The following CNTNAP5 variants were observed in gnomAD, a reference collection of about 807,000 sequenced individuals.
CNTNAP5 encodes contactin-associated protein-like 5.
Under a neutral mutation model 150.2 loss-of-function variants are expected in CNTNAP5, and 72 were observed. The observed-to-expected ratio is 0.48, with a 90% CI of 0.40 to 0.58. The LOEUF is 0.58. Among genes scored for constraint, CNTNAP5 ranks in the 20% least tolerant of loss-of-function variants. CNTNAP5 has a pLI of 0.00. For synonymous variants in CNTNAP5, 672 were observed against 619.8 expected (o/e 1.08, Z -1.25); for missense variants, 1,636 against 1,626.2 (o/e 1.01, Z -0.10).
At chr2:124,713,291 TTCTTTCTTTCTTCTTTCTCTTTCTTTC>T (rs1558746788) in intron 13 of CNTNAP5, among the ~76,000 whole-genome samples, 7 of 127,754 alleles carry the variant, frequency 5.5e-5, no homozygotes, top group African/African-American at 1.9e-4. Context: ...CTTTCTTTCT[TTCTTTCTTTCTTCTTTCTCTTTCTTTC>T]CTTTCTTTCT....
intron 6 of CNTNAP5, among the ~76,000 whole-genome samples, chr2:124,455,673 G>A (rs774827392): frequency 1.9e-4 from 28 of 151,302 alleles, no homozygotes; most frequent in Non-Finnish European, 3.1e-4. Flanking sequence ...TTAGCTAAAC[G>A]CTAGCTAACC....
intron 18 of CNTNAP5, among the ~76,000 whole-genome samples, chr2:124,792,344 G>C (rs1023808370): frequency 5.9e-5 from 9 of 152,022 alleles, no homozygotes; most frequent in Non-Finnish European, 1.3e-4. Context: ...TTAACTTATT[G>C]GGGCTCATAA....
intron 11 of CNTNAP5, among the ~76,000 whole-genome samples, chr2:124,577,681 T>C (rs1696317025): frequency 6.6e-6 from 1 of 151,944 alleles, no homozygotes; most frequent in Non-Finnish European, 1.5e-5. Context: ...CTAAATTGAA[T>C]ATAGGAAATG....
intron 3 of CNTNAP5, among the ~76,000 whole-genome samples, chr2:124,414,983 C>A (rs1374971287): frequency 6.6e-6 from 1 of 152,100 alleles, no homozygotes; most frequent in Non-Finnish European, 1.5e-5. Context: ...CAGTAAGAAA[C>A]CACCAGAACC....
At position 124,329,870 on chromosome 2, in the gene CNTNAP5, G is replaced by A. The variant is rs952343665; in HGVS notation, c.381+87477G>A. On this transcript the variant is annotated intron_variant, in intron 3 of 23. Transcript: ENST00000682447. Reference sequence around the variant, plus strand: ...AATGTTTGGTGTAGTCTACAAGCTAGTTTTTTGTTTGTTTACAGTTTAGAA... The same window carrying A: ...AATGTTTGGTGTAGTCTACAAGCTAATTTTTTGTTTGTTTACAGTTTAGAA... Among the ~76,000 whole-genome samples, 3 of 152,136 alleles carry A rather than the reference G, an allele frequency of 2.0e-5. No individual in the cohort carries two copies. The East Asian group carries it at 5.8e-4, about 29-fold the overall frequency.
intron 13 of CNTNAP5, among the ~76,000 whole-genome samples, chr2:124,696,019 C>T (rs1383637594): frequency 6.6e-6 from 1 of 152,096 alleles, no homozygotes; most frequent in African/African-American, 2.4e-5. Flanking sequence ...GTCAGAATGT[C>T]AACCTGGAGA....
chr2:124,117,898 A>G (rs1294869503), intron 1 of CNTNAP5, among the ~76,000 whole-genome samples: 6 of 152,318 alleles, frequency 3.9e-5, no homozygotes, highest in African/African-American at 1.4e-4. Context: ...AGCCTGGGTA[A>G]CATGGCAAAA....
At position 124,896,952 on chromosome 2, in the gene CNTNAP5, C is replaced by T. The variant is rs559730182; in HGVS notation, c.3437-5930C>T. Among the ~76,000 whole-genome samples, 6 of 151,722 alleles carry T rather than the reference C, an allele frequency of 4.0e-5. No individual in the cohort carries two copies. In the South Asian group the frequency reaches 1.2e-3, roughly 31 times the overall value. On this transcript the variant is annotated intron_variant, in intron 21 of 23. Transcript: ENST00000682447. ...TTTTCAGTGTCTTAAACGTGACGCA[C>T]TACTTCTCTCTTTACTTTGTAAAGG...
chr2:124,394,014 C>A (rs1447286865), intron 3 of CNTNAP5, among the ~76,000 whole-genome samples: 2 of 152,088 alleles, frequency 1.3e-5, no homozygotes, highest in African/African-American at 4.8e-5. Context: ...AAATATCAGT[C>A]ATCGTTTACA....
At chr2:124,483,955 AC>A (rs1336470653) in intron 7 of CNTNAP5, among the ~76,000 whole-genome samples, 1 of 151,932 alleles carries the variant, frequency 6.6e-6, no homozygotes, top group Non-Finnish European at 1.5e-5. Context: ...TTATGGTTTG[AC>A]CCTTACTTTT....
rs369310119 is a variant in CNTNAP5 at position 124,763,813 on chromosome 2, C to G, written c.2362+14C>G. The G allele has an allele frequency of 8.1e-5, 130 of 1,612,440 alleles. 3 individuals carry two copies. The South Asian group carries it at 1.4e-3, about 17-fold the overall frequency. ...GCTATGGTGACCGTGAGTACAAAATCGAAAGAAGCTTTCTCTCTGCATTAC... is the reference window on the plus strand; with the variant it reads ...GCTATGGTGACCGTGAGTACAAAATGGAAAGAAGCTTTCTCTCTGCATTAC... On this transcript the variant is annotated intron_variant, in intron 15 of 23. Coordinates refer to ENST00000682447, the MANE Select transcript of CNTNAP5 (RefSeq NM_001367498.1).
At chr2:124,115,076 T>C (rs969389689) in intron 1 of CNTNAP5, among the ~76,000 whole-genome samples, 1 of 152,076 alleles carries the variant, frequency 6.6e-6, no homozygotes, top group Non-Finnish European at 1.5e-5. Context: ...TAGCATATTA[T>C]TATGTCATGA....
chr2:124,459,315 C>T (rs1037218045), intron 6 of CNTNAP5, among the ~76,000 whole-genome samples: 3 of 152,136 alleles, frequency 2.0e-5, no homozygotes, highest in African/African-American at 7.2e-5. Flanking sequence ...GCTCTGAAAA[C>T]TTACATCATT....
At chr2:124,716,990 C>T (rs188883449) in intron 13 of CNTNAP5, among the ~76,000 whole-genome samples, 326 of 152,178 alleles carry the variant, frequency 2.1e-3, no homozygotes, top group African/African-American at 7.3e-3. Flanking sequence ...CTAAATATCC[C>T]GGGTGCTTAT....
chr2:124,693,840 C>CA (rs142663614), intron 13 of CNTNAP5, among the ~76,000 whole-genome samples: 29,900 of 121,398 alleles, frequency 0.25, 3,372 homozygotes, highest in Non-Finnish European at 0.28. Context: ...AAAAAAAAGG[C>CA]AAAAAAAAAA....
chr2:124,805,979 G>A lies in CNTNAP5; in HGVS notation c.3217+7659G>A, dbSNP rs567166446. ...TTACTTTGTTAGAGGCCTCCTTTCC[G>A]AATACAGCCACACTAGAGTTAGTCT... On this transcript the variant is annotated intron_variant, in intron 19 of 23. Transcript: ENST00000682447. Among the ~76,000 whole-genome samples, 32 of 152,258 alleles carry A rather than the reference G, an allele frequency of 2.1e-4. 2 individuals are homozygous for A. The Middle Eastern group carries it at 0.01, about 49-fold the overall frequency.
intron 3 of CNTNAP5, among the ~76,000 whole-genome samples, chr2:124,377,008 A>G (rs1214700365): frequency 1.3e-5 from 2 of 152,102 alleles, no homozygotes; most frequent in African/African-American, 2.4e-5. Flanking sequence ...GTTTGAATCA[A>G]AGTAAGATTT....
chr2:124,255,584 T>TAAAATAAAATAG (rs1558821619), intron 3 of CNTNAP5, among the ~76,000 whole-genome samples: 9 of 59,040 alleles, frequency 1.5e-4, no homozygotes, highest in African/African-American at 5.3e-4. Flanking sequence ...TAAAATAAAA[T>TAAAATAAAATAG]AATAATTTTT....
rs1678820354 is a variant in CNTNAP5 at position 124,918,914 on chromosome 2, C to A, written c.*4626C>A. 6.6e-6 allele frequency among the ~76,000 whole-genome samples: 1 copy of A among 152,092 alleles called. No individual in the cohort carries two copies. Among genetic ancestry groups the A allele is most frequent in the South Asian group, 2.1e-4 (1 of 4,828 alleles). ...ACTGAGTGCTATTTTCTGTCTCATGCAGTTTGAACATGTTTTCTTTAAAAT... is the reference window on the plus strand; with the variant it reads ...ACTGAGTGCTATTTTCTGTCTCATGAAGTTTGAACATGTTTTCTTTAAAAT... On this transcript the variant is annotated 3_prime_UTR_variant, in exon 24 of 24. Coordinates refer to ENST00000682447, the MANE Select transcript of CNTNAP5 (RefSeq NM_001367498.1).
Sources: allele counts gnomAD v4.1 joint callset (sites outside exome capture counted in the v4.1 genomes callset), GRCh38; gene constraint gnomAD v4.1.1; transcripts MANE v1.5; gene names NCBI Gene and HGNC (gene_info 2026-07-23, HGNC 2026-07-21).